LIPG: variants seen among roughly 807,000 people sequenced by gnomAD.
LIPG encodes endothelial lipase.
A neutral mutation model predicts 51.8 loss-of-function variants in LIPG; 34 were observed. That is an observed-to-expected ratio of 0.66 (90% CI 0.50 to 0.87). The LOEUF is 0.87. Ranked by LOEUF, LIPG falls within the 40% of genes least tolerant of loss-of-function variation. The pLI, the probability that LIPG is intolerant of heterozygous loss-of-function variation, is 0.00. For synonymous variants in LIPG, 246 were observed against 246.1 expected, an observed-to-expected ratio of 1.00 and a Z score of 0.00; for missense variants, 580 against 652.7, an observed-to-expected ratio of 0.89 and a Z score of 1.21.
rs1193878250 is a variant in LIPG at position 49,590,569 on chromosome 18, A to G, written c.*47A>G. 6.4e-7 allele frequency: 1 copy of G among 1,565,626 alleles called. No homozygotes were observed. The highest frequency in any genetic ancestry group is 8.7e-7 in the Non-Finnish European group (1 of 1,150,650). ...CAGCAAGGCAGCAAGACTTCCTGCT[A>G]TCCAAGCCCATGGAGGAAAGTTACT... On this transcript the variant is annotated 3_prime_UTR_variant, in exon 10 of 10. Transcript: ENST00000261292.
intron 5 of LIPG, 87 bp downstream of exon 5, chr18:49,575,677 T>C (rs372066574): frequency 5.8e-6 from 6 of 1,035,166 alleles, no homozygotes; most frequent in Non-Finnish European, 7.3e-6. Context: ...CTGCAGGCAC[T>C]ATTTATTCAT....
chr18:49,567,542 C>G lies in LIPG; in HGVS notation c.380C>G (p.Ala127Gly). The G allele has an allele frequency of 6.2e-7, 1 of 1,614,142 alleles. No individual in the cohort carries two copies. The highest frequency in any genetic ancestry group is 8.5e-7 in the Non-Finnish European group (1 of 1,180,020). ...NVVVVDWLPL[A>G]HQLYTDAVNN... Reference sequence around the variant, plus strand: ...GTTGTGGTTGACTGGCTCCCCCTGGCCCACCAGCTTTACACGGATGCGGTC... The same window carrying G: ...GTTGTGGTTGACTGGCTCCCCCTGGGCCACCAGCTTTACACGGATGCGGTC... The change falls in exon 3 of 10, where the codon GCC becomes GGC. Residue 127 changes from alanine (A) to glycine (G), a missense_variant. Ala to Gly is a moderately conservative substitution (Grantham distance 60). Transcript: ENST00000261292.
rs2084940371 is a variant in LIPG, at chr18:49,591,239, T to G, written c.*717T>G. The G allele has an allele frequency of 6.4e-6, 1 of 155,770 alleles. No individual in the cohort carries two copies. The highest frequency in any genetic ancestry group is 1.4e-5 in the Non-Finnish European group (1 of 70,156). 9.6% of individuals were successfully genotyped at this position (155,770 alleles called of 1,614,324 possible). The stretch of plus-strand genomic sequence containing the variant: ...GGAGTTGGGATTTCTAGACCCTCTT[T>G]CTGTTTGGATGGTGTATGTGTATAT... On this transcript the variant is annotated 3_prime_UTR_variant, in exon 10 of 10. Transcript: ENST00000261292.
chr18:49,582,543 A>T, intron 7 of LIPG, 61 bp downstream of exon 7: 1 of 1,607,874 alleles, frequency 6.2e-7, no homozygotes, highest in Non-Finnish European at 8.5e-7. Context: ...TGAGAATGAG[A>T]GAGCACAAGG....
chr18:49,592,550 T>A lies in LIPG; in HGVS notation c.*2028T>A, dbSNP rs2084956228. 1 of 153,762 alleles carries A rather than the reference T, an allele frequency of 6.5e-6. No homozygotes were observed. The highest frequency in any genetic ancestry group is 2.4e-5 in the African/African-American group (1 of 41,454). 9.5% of individuals were successfully genotyped at this position (153,762 alleles called of 1,614,324 possible). On this transcript the variant is annotated 3_prime_UTR_variant, in exon 10 of 10. Transcript: ENST00000261292. ...GTAACTTATGTGAGGGGTTTTCCCA[T>A]TTTTTGTCTTGTTGGTGCTCAAAAA...
At chr18:49,589,597 G>A (rs775669465) in intron 9 of LIPG, 67 of 152,560 alleles carry the variant, frequency 4.4e-4, no homozygotes, top group Middle Eastern at 6.8e-3. Flanking sequence ...TGAGTAGCTT[G>A]GATTACAGGA....
chr18:49,566,670 G>A (rs1275843849), intron 2 of LIPG, among the ~76,000 whole-genome samples: 1 of 152,162 alleles, frequency 6.6e-6, no homozygotes, highest in African/African-American at 2.4e-5. Context: ...GGCAGAGATG[G>A]GTTGTGGGAA....
At chr18:49,574,944 T>C (rs2084699984) in intron 4 of LIPG, among the ~76,000 whole-genome samples, 1 of 152,234 alleles carries the variant, frequency 6.6e-6, no homozygotes, top group Admixed American at 6.5e-5. Context: ...GTAAAAATTC[T>C]GCTACAATTA....
Position 49,562,225 on chromosome 18 carries a change from C to G in LIPG, c.-84C>G. The G allele has an allele frequency of 1.2e-6, 2 of 1,607,762 alleles. No individual in the cohort carries two copies. The highest frequency in any genetic ancestry group is 1.7e-6 in the Non-Finnish European group (2 of 1,178,666). On this transcript the variant is annotated 5_prime_UTR_variant, in exon 1 of 10. Coordinates refer to ENST00000261292, the MANE Select transcript of LIPG (RefSeq NM_006033.4). Reference sequence around the variant, plus strand: ...GCCCCTGGCCGAGAGAAGGGTCTTACCGGCCGGGATTGCTGGAAACACCAA... The same window carrying G: ...GCCCCTGGCCGAGAGAAGGGTCTTAGCGGCCGGGATTGCTGGAAACACCAA...
chr18:49,578,129 C>T (rs1375659867), intron 5 of LIPG, among the ~76,000 whole-genome samples: 1 of 143,312 alleles, frequency 7.0e-6, no homozygotes, highest in African/African-American at 2.6e-5. Flanking sequence ...CTGACCCCCC[C>T]CCACCTCCCT....
In LIPG at chr18:49,590,742, C is replaced by T; in HGVS notation, c.*220C>T. On this transcript the variant is annotated 3_prime_UTR_variant, in exon 10 of 10. Coordinates refer to ENST00000261292, the MANE Select transcript of LIPG (RefSeq NM_006033.4). ...TGCCTCTCTTGAATAGCTCTAACTC[C>T]AAACCTCTGTCCACACCTCCAGAGC... 1 of 617,900 alleles carries T rather than the reference C, an allele frequency of 1.6e-6. No homozygotes were observed. The allele number at this position is 617,900 out of a possible 1,614,324, so 38.3% of individuals were successfully genotyped here. A position where few individuals can be genotyped will look rare whatever the true frequency, so the allele number is the denominator to read the frequency against.
intron 9 of LIPG, chr18:49,590,183 GT>G: frequency 4.4e-6 from 2 of 459,698 alleles, no homozygotes; most frequent in Non-Finnish European, 8.0e-6. Flanking sequence ...TTGTGTGTGT[GT>G]GTGTGTGTGT....
At chr18:49,579,322 A>G (rs1284867667) in intron 5 of LIPG, among the ~76,000 whole-genome samples, 1 of 150,924 alleles carries the variant, frequency 6.6e-6, no homozygotes, top group African/African-American at 2.4e-5. Context: ...CATTCACTTA[A>G]CATTTTTCTT....
At chr18:49,579,233 A>AGAGGGCGAGGGC (rs1568533012) in intron 5 of LIPG, among the ~76,000 whole-genome samples, 1 of 122,948 alleles carries the variant, frequency 8.1e-6, no homozygotes, top group Non-Finnish European at 1.6e-5. Flanking sequence ...AGGGAGAGGG[A>AGAGGGCGAGGGC]GAGGGCTCAC....
chr18:49,572,671 CAG>C (rs2084675757), intron 4 of LIPG, among the ~76,000 whole-genome samples: 1 of 147,880 alleles, frequency 6.8e-6, no homozygotes, highest in African/African-American at 2.5e-5. Context: ...GTGGAGGTTG[CAG>C]AGAGCCGAGA....
Position 49,575,401 on chromosome 18 carries a change from G to T in LIPG, c.604G>T (p.Ala202Ser). 6.2e-7 allele frequency: 1 copy of T among 1,613,272 alleles called. No individual in the cohort carries two copies. Among genetic ancestry groups the T allele is most frequent in the Non-Finnish European group, 8.5e-7 (1 of 1,180,018 alleles). Residue 202 changes from alanine (A) to serine (S), a missense_variant, in exon 5 of 10, where the codon GCC (alanine) becomes TCC (serine). By Grantham distance (99) the Ala-to-Ser change is moderately conservative. Transcript: ENST00000261292. ...TCCTGCCGGGCCCATGTTTGAAGGG[G>T]CCGACATCCACAAGAGGCTCTCTCC... ...LDPAGPMFEG[A>S]DIHKRLSPDD... is the part of the protein sequence containing the mutation.
At chr18:49,579,269 G>GT (rs1037696426) in intron 5 of LIPG, among the ~76,000 whole-genome samples, 8 of 145,578 alleles carry the variant, frequency 5.5e-5, no homozygotes, top group Non-Finnish European at 1.0e-4. Flanking sequence ...TTAATTTTTG[G>GT]TAACATTTTA....
chr18:49,593,838 C>T lies in LIPG; in HGVS notation c.*3316C>T, dbSNP rs537902626. ...GTCTTTATTTAGGGTGCCCATGGGC[C>T]CTGCTGAAGATCCAATTACTATTTA... On this transcript the variant is annotated 3_prime_UTR_variant, in exon 10 of 10. Transcript: ENST00000261292. 1.3e-4 allele frequency: 20 copies of T among 152,238 alleles called. No homozygotes were observed. In the East Asian group the frequency reaches 1.7e-3, roughly 13 times the overall value. 9.4% of individuals were successfully genotyped at this position (152,238 alleles called of 1,614,324 possible).
At chr18:49,565,216 A>G in intron 1 of LIPG, 101 bp from the exon 2 acceptor site, 1 of 1,195,954 alleles carries the variant, frequency 8.4e-7, no homozygotes, top group Non-Finnish European at 1.2e-6. Context: ...CGAAACCCAG[A>G]TGGCTTAAGC....
Sources: allele counts gnomAD v4.1 joint callset (sites outside exome capture counted in the v4.1 genomes callset), GRCh38; gene constraint gnomAD v4.1.1; transcripts MANE v1.5; gene names NCBI Gene and HGNC (gene_info 2026-07-23, HGNC 2026-07-21).